The following PSME1 variants were observed in gnomAD, a reference collection of about 807,000 sequenced individuals.
The protein encoded by PSME1 is proteasome activator complex subunit 1.
Under a neutral mutation model 38.4 loss-of-function variants are expected in PSME1, and 15 were observed. That is an observed-to-expected ratio of 0.39 (90% CI 0.26 to 0.60). PSME1 has a LOEUF of 0.60. Among genes scored for constraint, PSME1 ranks in the 20% least tolerant of loss-of-function variants. The pLI is 0.53. For missense variants in PSME1, 249 were observed against 305.6 expected (o/e 0.81, Z 1.38); for synonymous variants, 106 against 106.8 (o/e 0.99, Z 0.05).
At position 24,136,360 on chromosome 14, in the gene PSME1, G is replaced by C. The variant is rs1434463610; in HGVS notation, c.39+59G>C. On this transcript the variant is annotated intron_variant, in intron 1 of 10. Transcript: ENST00000206451. This position sits in a 1 kb window ranked among gnomAD's most constrained non-coding sequence, Gnocchi z 4.8. ...GGGAGGCGTGGCTGGAGCGGCCGGG[G>C]GCATCCCCGACCCGCCCCCCAGGCT... 4.8e-6 allele frequency: 7 copies of C among 1,457,160 alleles called. No homozygotes were observed. Among genetic ancestry groups the C allele is most frequent in the African/African-American group, 1.5e-5 (1 of 67,498 alleles). The allele number at this position is 1,457,160 out of a possible 1,614,324, so 90.3% of individuals were successfully genotyped here.
In PSME1 at chr14:24,137,425, G is replaced by A; in HGVS notation, c.240G>A (p.Gln80=). Residue 80 remains glutamine (Q), a synonymous_variant, in exon 4 of 11, where the codon CAG becomes CAA. Coordinates refer to ENST00000206451, the MANE Select transcript of PSME1 (RefSeq NM_006263.4). ...KEKEKEERKK[Q]QEKEDKDEKK... ...AAGAGAAAGAGGAGCGGAAGAAACA[G>A]CAGGAGGCAAGCTGGGAAGACCTGG... The A allele has an allele frequency of 1.9e-6, 3 of 1,614,184 alleles. No individual in the cohort carries two copies. Among genetic ancestry groups the A allele is most frequent in the South Asian group, 1.1e-5 (1 of 91,086 alleles).
At chr14:24,138,426 T>C (rs773942815) in intron 9 of PSME1, 27 bp downstream of exon 9, 3 of 1,613,966 alleles carry the variant, frequency 1.9e-6, no homozygotes, top group African/African-American at 1.3e-5. Context: ...TCAGGGTGCA[T>C]GGGGGAAGGA....
At chr14:24,137,043 C>T (rs1031038772) in intron 2 of PSME1, 26 bp downstream of exon 2, 10 of 1,614,136 alleles carry the variant, frequency 6.2e-6, no homozygotes, top group Non-Finnish European at 7.6e-6. Context: ...TCAGCGTGGC[C>T]CCACCCCTGC....
chr14:24,137,391 T>A lies in PSME1; in HGVS notation c.206T>A (p.Val69Asp). The A allele has an allele frequency of 6.2e-7, 1 of 1,613,798 alleles. No individual in the cohort carries two copies. The highest frequency in any genetic ancestry group is 1.1e-5 in the South Asian group (1 of 91,058). The change falls in exon 4 of 11, where the codon GTC (valine) becomes GAC (aspartate). Residue 69 changes from valine (V) to aspartate (D), a missense_variant. Coordinates refer to ENST00000206451, the MANE Select transcript of PSME1 (RefSeq NM_006263.4). The part of the protein sequence containing the change: ...APLDIPVPDP[V>D]KEKEKEERKK... The stretch of plus-strand genomic sequence containing the variant: ...TTGGACATCCCAGTGCCTGATCCAG[T>A]CAAGGAGAAAGAGAAAGAGGAGCGG...
Position 24,137,769 on chromosome 14 carries a change from T to C in PSME1, c.362T>C (p.Ile121Thr). The part of the protein sequence containing the change: ...VVLLQRLKPE[I>T]KDVIEQLNLV... ...CTTCTGCAGCGCTTGAAGCCTGAGA[T>C]CAAGGATGTCATTGAGCAGCTCAAC... The change falls in exon 6 of 11, where the codon ATC becomes ACC. Residue 121 changes from isoleucine to threonine, a missense_variant. Physicochemically the swap from Ile to Thr is moderately conservative, Grantham distance 89. Transcript: ENST00000206451. The C allele has an allele frequency of 2.5e-6, 4 of 1,614,198 alleles. No homozygotes were observed. The highest frequency in any genetic ancestry group is 3.4e-6 in the Non-Finnish European group (4 of 1,180,024).
chr14:24,136,361 G>C lies in PSME1; in HGVS notation c.39+60G>C, dbSNP rs752762329. ...GGAGGCGTGGCTGGAGCGGCCGGGG[G>C]CATCCCCGACCCGCCCCCCAGGCTC... On this transcript the variant is annotated intron_variant, in intron 1 of 10. Transcript: ENST00000206451. This position sits in a 1 kb window ranked among gnomAD's most constrained non-coding sequence, Gnocchi z 4.8. 6.9e-7 allele frequency: 1 copy of C among 1,451,698 alleles called. No homozygotes were observed. The highest frequency in any genetic ancestry group is 9.1e-7 in the Non-Finnish European group (1 of 1,094,738). 89.9% of individuals were successfully genotyped at this position (1,451,698 alleles called of 1,614,324 possible).
rs750268653 is a variant in PSME1 at position 24,138,820 on chromosome 14, C to T, written c.*4C>T. On this transcript the variant is annotated 3_prime_UTR_variant, in exon 11 of 11. Coordinates refer to ENST00000206451, the MANE Select transcript of PSME1 (RefSeq NM_006263.4). Reference sequence around the variant, plus strand: ...AACAAAGGGAATGATCTATTGAGAGCCCTCTCTCCCATTCTGTGATGAGTA... The same window carrying T: ...AACAAAGGGAATGATCTATTGAGAGTCCTCTCTCCCATTCTGTGATGAGTA... 1 of 1,613,104 alleles carries T rather than the reference C, an allele frequency of 6.2e-7. No individual in the cohort carries two copies. The highest frequency in any genetic ancestry group is 1.7e-5 in the Admixed American group (1 of 60,010).
Position 24,136,290 on chromosome 14 carries a change from G to A in PSME1, c.28G>A (p.Ala10Thr). 3 of 1,528,654 alleles carry A rather than the reference G, an allele frequency of 2.0e-6. No homozygotes were observed. The highest frequency in any genetic ancestry group is 1.7e-4 in the Middle Eastern group (1 of 5,884). 94.7% of individuals were successfully genotyped at this position (1,528,654 alleles called of 1,614,324 possible). A position where few individuals can be genotyped will look rare whatever the true frequency, so the allele number is the denominator to read the frequency against. ...GGCCATGCTCAGGGTCCAGCCCGAG[G>A]CCCAAGCCAAGGTGAGCGCCGCGGG... Reference protein sequence around the residue: MAMLRVQPEAQAKVDVFRED... With the variant: MAMLRVQPETQAKVDVFRED... Residue 10 changes from alanine to threonine, a missense_variant, in exon 1 of 11, where the codon GCC becomes ACC. Physicochemically the swap from Ala to Thr is moderately conservative, Grantham distance 58. Transcript: ENST00000206451. This position sits in a 1 kb window ranked among gnomAD's most constrained non-coding sequence, Gnocchi z 4.8.
chr14:24,138,468 C>T lies in PSME1; in HGVS notation c.583-6C>T. On this transcript the variant is annotated splice_region_variant and splice_polypyrimidine_tract_variant and intron_variant, in intron 9 of 10. Transcript: ENST00000206451. ...TAAGGTCAGGCCTGACCCGAGCTTC[C>T]CACAGGGTGATTATCGGCAGCTGGT... The T allele has an allele frequency of 3.7e-6, 6 of 1,614,080 alleles. No individual in the cohort carries two copies. The highest frequency in any genetic ancestry group is 5.1e-6 in the Non-Finnish European group (6 of 1,180,020).
chr14:24,136,406 T>C lies in PSME1; in HGVS notation c.39+105T>C. ...AGGCTCCCACGCGAGTCGGGGGCAG[T>C]CGGCCGAGCTGGCGCGCCCGGAGCA... On this transcript the variant is annotated intron_variant, in intron 1 of 10. Transcript: ENST00000206451. This position sits in a 1 kb window ranked among gnomAD's most constrained non-coding sequence, Gnocchi z 4.8. The C allele has an allele frequency of 8.3e-7, 1 of 1,201,688 alleles. No homozygotes were observed. The highest frequency in any genetic ancestry group is 1.1e-6 in the Non-Finnish European group (1 of 911,380). 74.4% of individuals were successfully genotyped at this position (1,201,688 alleles called of 1,614,324 possible).
Position 24,138,253 on chromosome 14 carries a change from C to A in PSME1, c.517C>A (p.Gln173Lys). 6.2e-7 allele frequency: 1 copy of A among 1,614,204 alleles called. No homozygotes were observed. The highest frequency in any genetic ancestry group is 1.1e-5 in the South Asian group (1 of 91,080). Residue 173 changes from glutamine to lysine, a missense_variant, in exon 8 of 11, where the codon CAA (glutamine) becomes AAA (lysine). Gln to Lys is a moderately conservative substitution (Grantham distance 53, BLOSUM62 1). Coordinates refer to ENST00000206451, the MANE Select transcript of PSME1 (RefSeq NM_006263.4). ...LHTKLEGFHT[Q>K]ISKYFSERGD... ...CACCAAGCTAGAAGGCTTCCACACT[C>A]AAATCTCTAAGTGAGTGACCACCCA...
rs778178116 is a variant in PSME1, at chr14:24,138,353, C to G, written c.536C>G (p.Ser179Cys). Residue 179 changes from serine (S) to cysteine (C), a missense_variant, in exon 9 of 11, where the codon TCT becomes TGT. Transcript: ENST00000206451. ...GFHTQISKYF[S>C]ERGDAVTKAA... ...CACTTCTCCTTCCACAGGTATTTCT[C>G]TGAGCGTGGTGATGCAGTGACTAAA... 3 of 1,614,054 alleles carry G rather than the reference C, an allele frequency of 1.9e-6. No individual in the cohort carries two copies. In the African/African-American group the frequency reaches 4.0e-5, roughly 22 times the overall value.
In PSME1 at chr14:24,136,216, G is replaced by A; in HGVS notation, c.-47G>A. On this transcript the variant is annotated 5_prime_UTR_variant, in exon 1 of 11. Coordinates refer to ENST00000206451, the MANE Select transcript of PSME1 (RefSeq NM_006263.4). This position sits in a 1 kb window ranked among gnomAD's most constrained non-coding sequence, Gnocchi z 4.8. ...CCTACCGCTTTCGCTTTCCCTTCGC[G>A]GTGCCCACTCCACTCCTTGTGCGGC... The A allele has an allele frequency of 2.0e-6, 3 of 1,510,802 alleles. No homozygotes were observed. The highest frequency in any genetic ancestry group is 1.4e-5 in the African/African-American group (1 of 69,082). The allele number at this position is 1,510,802 out of a possible 1,614,324, so 93.6% of individuals were successfully genotyped here. A position where few individuals can be genotyped will look rare whatever the true frequency, so the allele number is the denominator to read the frequency against.
rs377189304 is a variant in PSME1 at position 24,137,569 on chromosome 14, C to T, written c.292+4C>T. ...AAGGGGGAGGATGAAGACAAAGGTA[C>T]TTGAAACCACAATGGTGGGAAGAGA... is the stretch of plus-strand genomic sequence containing the variant. On this transcript the variant is annotated splice_donor_region_variant and intron_variant, in intron 5 of 10. Transcript: ENST00000206451. The T allele has an allele frequency of 2.5e-5, 40 of 1,614,110 alleles. No individual in the cohort carries two copies. The highest frequency in any genetic ancestry group is 3.1e-5 in the Non-Finnish European group (36 of 1,180,050).
rs150529650 is a variant in PSME1 at position 24,137,740 on chromosome 14, G to T, written c.333G>T (p.Val111=). ...CAGTGAACTGCAATGAAAAGATCGT[G>T]GTCCTTCTGCAGCGCTTGAAGCCTG... ...CGPVNCNEKI[V]VLLQRLKPEI... is the part of the protein sequence containing the mutation. The change falls in exon 6 of 11, where the codon GTG becomes GTT. Residue 111 remains valine, a synonymous_variant. Transcript: ENST00000206451. The T allele has an allele frequency of 1.8e-3, 2,863 of 1,614,182 alleles. 43 individuals are homozygous for T. In the Middle Eastern group the frequency reaches 0.029, roughly 16 times the overall value.
chr14:24,137,894 AG>A (rs879108360), intron 6 of PSME1, 97 bp downstream of exon 6: 2 of 1,508,550 alleles, frequency 1.3e-6, no homozygotes, highest in South Asian at 2.3e-5. Context: ...TTTTAGCAAG[AG>A]AGGGCACAGC....
Position 24,138,802 on chromosome 14 carries a change from G to C in PSME1, c.736G>C (p.Gly246Arg), listed in dbSNP as rs1174007637. 1 of 1,614,060 alleles carries C rather than the reference G, an allele frequency of 6.2e-7. No homozygotes were observed. The highest frequency in any genetic ancestry group is 1.7e-5 in the Admixed American group (1 of 60,030). ...KLKKPRGETK[G>R]MIY Reference sequence around the variant, plus strand: ...CAAGAAGCCCAGGGGAGAAACAAAGGGAATGATCTATTGAGAGCCCTCTCT... The same window carrying C: ...CAAGAAGCCCAGGGGAGAAACAAAGCGAATGATCTATTGAGAGCCCTCTCT... The change falls in exon 11 of 11, where the codon GGA becomes CGA. Residue 246 changes from glycine (G) to arginine (R), a missense_variant. Transcript: ENST00000206451.
Position 24,136,247 on chromosome 14 carries a change from G to A in PSME1, c.-16G>A, listed in dbSNP as rs1566600737. On this transcript the variant is annotated 5_prime_UTR_variant, in exon 1 of 11. Coordinates refer to ENST00000206451, the MANE Select transcript of PSME1 (RefSeq NM_006263.4). The surrounding 1 kb of genome is among the most constrained non-coding windows in gnomAD (Gnocchi z 4.8). ...CACTCCACTCCTTGTGCGGCGCTAG[G>A]CCCCCCGTCCCGGTCATGGCCATGC... is the stretch of plus-strand genomic sequence containing the variant. 1.3e-6 allele frequency: 2 copies of A among 1,522,036 alleles called. No individual in the cohort carries two copies. The highest frequency in any genetic ancestry group is 1.8e-6 in the Non-Finnish European group (2 of 1,135,360). 94.3% of individuals were successfully genotyped at this position (1,522,036 alleles called of 1,614,324 possible).
rs1566603261 is a variant in PSME1, at chr14:24,138,913, T to C, written c.*97T>C. 3 of 1,592,966 alleles carry C rather than the reference T, an allele frequency of 1.9e-6. No homozygotes were observed. Among genetic ancestry groups the C allele is most frequent in the South Asian group, 1.1e-5 (1 of 89,440 alleles). The stretch of plus-strand genomic sequence containing the variant: ...CCCCAAACTTGCTTCTGTTGAGATT[T>C]TTCCCTCACCTTGCCTCTCAGGCAC... On this transcript the variant is annotated 3_prime_UTR_variant, in exon 11 of 11. Transcript: ENST00000206451.
Sources: allele counts gnomAD v4.1 joint callset, GRCh38; gene constraint gnomAD v4.1.1; non-coding constraint Gnocchi (gnomAD v3.1); transcripts MANE v1.5; gene names NCBI Gene and HGNC (gene_info 2026-07-23, HGNC 2026-07-21).